Variants in TPH2 observed in about 807,000 individuals in gnomAD.
TPH2 encodes the protein tryptophan 5-hydroxylase 2.
Under a neutral mutation model 59.1 loss-of-function variants are expected in TPH2, and 27 were observed. The ratio of observed to expected loss-of-function variants is 0.46; its 90% CI spans 0.34 to 0.63. The LOEUF is 0.63. Ranked by LOEUF, TPH2 falls within the 30% of genes least tolerant of loss-of-function variation. The pLI is 0.01. For synonymous variants in TPH2, 220 were observed against 210.5 expected (o/e 1.05, Z -0.39); for missense variants, 523 against 588.3 (o/e 0.89, Z 1.15).
intron 9 of TPH2, among the ~76,000 whole-genome samples, chr12:72,030,625 A>G (rs1380926640): frequency 6.6e-6 from 1 of 152,138 alleles, no homozygotes; most frequent in African/African-American, 2.4e-5. Context: ...GACTATTAAT[A>G]TTAGCTCCTT....
chr12:71,945,890 C>G (rs1871185576), intron 4 of TPH2, among the ~76,000 whole-genome samples: 1 of 152,070 alleles, frequency 6.6e-6, no homozygotes, highest in South Asian at 2.1e-4. Flanking sequence ...GCTAACATAG[C>G]CTAAAATTTC....
intron 2 of TPH2, among the ~76,000 whole-genome samples, 183 bp downstream of exon 2, chr12:71,941,916 GC>G (rs1223005233): frequency 3.9e-5 from 6 of 152,306 alleles, no homozygotes; most frequent in African/African-American, 1.4e-4. Context: ...AAGCAGAATT[GC>G]CTAAGCTGTG....
intron 7 of TPH2, among the ~76,000 whole-genome samples, chr12:71,980,603 C>T (rs926599619): frequency 2.0e-5 from 3 of 151,988 alleles, no homozygotes; most frequent in African/African-American, 7.3e-5. Flanking sequence ...ATGCTTCTTT[C>T]AGTGGAGTGA....
At chr12:72,018,695 T>C (rs925704038) in intron 8 of TPH2, among the ~76,000 whole-genome samples, 2 of 152,184 alleles carry the variant, frequency 1.3e-5, no homozygotes, top group African/African-American at 2.4e-5. Context: ...GGATTTCGTG[T>C]CAGGTGTTGT....
rs533065952 is a variant in TPH2 at position 72,031,261 on chromosome 12, G to A, written c.1168G>A (p.Ala390Thr). The A allele has an allele frequency of 9.3e-6, 15 of 1,613,308 alleles. No individual in the cohort carries two copies. The highest frequency in any genetic ancestry group is 3.3e-5 in the Admixed American group (2 of 59,944). Residue 390 changes from alanine (A) to threonine (T), a missense_variant, in exon 10 of 11, where the codon GCC becomes ACC. By Grantham distance (58) the Ala-to-Thr change is moderately conservative. Coordinates refer to ENST00000333850, the MANE Select transcript of TPH2 (RefSeq NM_173353.4). ...GGTTTTGTGGTATATTTTGCAGCAC[G>A]CCCTTTCTGACAAGGCATGTGTGAA... The part of the protein sequence containing the change: ...LLSSIGELKH[A>T]LSDKACVKAF...
In TPH2 at chr12:72,032,015, A is replaced by G. The variant is rs1873736801; in HGVS notation, c.*320A>G. 1 of 353,640 alleles carries G rather than the reference A, an allele frequency of 2.8e-6. No individual in the cohort carries two copies. The highest frequency in any genetic ancestry group is 2.1e-5 in the African/African-American group (1 of 47,866). The allele number at this position is 353,640 out of a possible 1,614,324, so 21.9% of individuals were successfully genotyped here. On this transcript the variant is annotated 3_prime_UTR_variant, in exon 11 of 11. Coordinates refer to ENST00000333850, the MANE Select transcript of TPH2 (RefSeq NM_173353.4). ...AATAGCCCTCTTATGAGTCTCATTT[A>G]TGCCCTTTTCTTTTTCAGATCTAAG...
chr12:71,981,388 A>G (rs1872272652), intron 7 of TPH2, among the ~76,000 whole-genome samples: 1 of 152,206 alleles, frequency 6.6e-6, no homozygotes, highest in African/African-American at 2.4e-5. Context: ...TAGTCAGGTA[A>G]GTGTATTGGA....
chr12:71,982,901 G>A (rs956889446), intron 7 of TPH2, among the ~76,000 whole-genome samples: 1 of 152,166 alleles, frequency 6.6e-6, no homozygotes, highest in Non-Finnish European at 1.5e-5. Flanking sequence ...TGCCATCAGA[G>A]CTTTCAACAC....
At chr12:72,025,965 T>C (rs754774690) in intron 9 of TPH2, among the ~76,000 whole-genome samples, 2 of 152,200 alleles carry the variant, frequency 1.3e-5, no homozygotes, top group Non-Finnish European at 2.9e-5. Flanking sequence ...GAACTTGGAA[T>C]GTAGTAGGGA....
intron 8 of TPH2, among the ~76,000 whole-genome samples, chr12:72,008,797 A>T (rs1027529700): frequency 1.3e-5 from 2 of 152,100 alleles, no homozygotes; most frequent in South Asian, 4.2e-4. Context: ...GTAAGTTGTG[A>T]CCAAGTGAGA....
At chr12:71,965,148 G>A (rs895230333) in intron 5 of TPH2, 9 of 152,242 alleles carry the variant, frequency 5.9e-5, no homozygotes, top group East Asian at 1.9e-4. Flanking sequence ...GTATTCCATC[G>A]TGTATATGTA....
intron 5 of TPH2, among the ~76,000 whole-genome samples, chr12:71,966,122 G>A (rs184314147): frequency 1.4e-4 from 22 of 152,218 alleles, no homozygotes; most frequent in Non-Finnish European, 3.2e-4. Flanking sequence ...ATAGCTCTCT[G>A]GAAATTATGC....
chr12:71,994,660 G>T, intron 8 of TPH2, 95 bp downstream of exon 8: 1 of 1,486,192 alleles, frequency 6.7e-7, no homozygotes, highest in South Asian at 1.2e-5. Context: ...ATAGGTAAAT[G>T]TTCTGGAGAA....
intron 5 of TPH2, among the ~76,000 whole-genome samples, chr12:71,958,654 A>G (rs1357821690): frequency 6.6e-6 from 1 of 152,126 alleles, no homozygotes; most frequent in South Asian, 2.1e-4. Flanking sequence ...CCCAGGCCCC[A>G]TGCTATTCTC....
At chr12:71,940,489 C>T (rs1206296937) in intron 1 of TPH2, among the ~76,000 whole-genome samples, 1 of 152,082 alleles carries the variant, frequency 6.6e-6, no homozygotes, top group East Asian at 1.9e-4. Flanking sequence ...CAAAGCAAAC[C>T]TACATTTCTC....
At chr12:71,942,267 T>C (rs1400102732) in intron 2 of TPH2, among the ~76,000 whole-genome samples, 1 of 152,170 alleles carries the variant, frequency 6.6e-6, no homozygotes, top group Non-Finnish European at 1.5e-5. Flanking sequence ...CCTTATCTTA[T>C]AGAAATGTTC....
intron 4 of TPH2, among the ~76,000 whole-genome samples, chr12:71,945,642 A>G (rs749918663): frequency 3.9e-5 from 6 of 152,156 alleles, no homozygotes; most frequent in Non-Finnish European, 8.8e-5. Context: ...CAGCAGTGTC[A>G]GTATCACCTG....
intron 2 of TPH2, among the ~76,000 whole-genome samples, chr12:71,943,686 T>C (rs887881706): frequency 6.6e-6 from 1 of 152,108 alleles, no homozygotes; most frequent in African/African-American, 2.4e-5. Context: ...TCAAAGATCC[T>C]GTCTTGACTA....
At chr12:72,007,541 TA>T (rs1216257717) in intron 8 of TPH2, among the ~76,000 whole-genome samples, 17 of 152,170 alleles carry the variant, frequency 1.1e-4, no homozygotes, top group Non-Finnish European at 1.9e-4. Flanking sequence ...AACATACAAG[TA>T]TGCAAAGAAG....
Sources: allele counts gnomAD v4.1 joint callset (sites outside exome capture counted in the v4.1 genomes callset), GRCh38; gene constraint gnomAD v4.1.1; transcripts MANE v1.5; gene names NCBI Gene and HGNC (gene_info 2026-07-23, HGNC 2026-07-21).